The following DNAH5 variants were observed in gnomAD, a reference collection of about 807,000 sequenced individuals.
DNAH5 encodes the protein dynein axonemal heavy chain 5.
A neutral mutation model predicts 518.2 loss-of-function variants in DNAH5; 372 were observed. The ratio of observed to expected loss-of-function variants is 0.72; its 90% CI spans 0.66 to 0.78. The LOEUF (loss-of-function observed/expected upper bound fraction) is 0.78. Among genes scored for constraint, DNAH5 ranks in the 30% least tolerant of loss-of-function variants. DNAH5 has a pLI of 0.00. For synonymous variants in DNAH5, 2,039 were observed against 2,025.9 expected (o/e 1.01, Z -0.17); for missense variants, 5,523 against 5,687.0 (o/e 0.97, Z 0.93).
chr5:13,816,566 A>C (rs904237860), intron 42 of DNAH5, among the ~76,000 whole-genome samples: 3 of 80,668 alleles, frequency 3.7e-5, no homozygotes, highest in African/African-American at 5.7e-5. Context: ...AAAAAAAAAC[A>C]AAAAAACCTC....
At chr5:13,727,724 A>G in intron 69 of DNAH5, 68 bp from the exon 70 acceptor site, 1 of 1,558,170 alleles carries the variant, frequency 6.4e-7, no homozygotes, top group Non-Finnish European at 8.9e-7. Flanking sequence ...GGTCATAGAT[A>G]TGTTTCATCA....
At chr5:13,991,976 G>A (rs779579050) in intron 1 of DNAH5, among the ~76,000 whole-genome samples, 1 of 152,166 alleles carries the variant, frequency 6.6e-6, no homozygotes, top group Non-Finnish European at 1.5e-5. Context: ...GAAGCAGAAT[G>A]AACGGACTTT....
intron 78 of DNAH5, among the ~76,000 whole-genome samples, chr5:13,692,906 T>C (rs569737993): frequency 1.1e-4 from 16 of 152,250 alleles, no homozygotes; most frequent in South Asian, 2.1e-4. Flanking sequence ...CTTAAACTTA[T>C]ACAATTCATG....
At chr5:13,774,726 T>C (rs1223407516) in intron 55 of DNAH5, among the ~76,000 whole-genome samples, 1 of 152,186 alleles carries the variant, frequency 6.6e-6, no homozygotes, top group African/African-American at 2.4e-5. Flanking sequence ...CTCCATGTAA[T>C]CTTGGTTTGT....
chr5:13,893,616 T>TA (rs1455571328), intron 16 of DNAH5, among the ~76,000 whole-genome samples: 2 of 151,774 alleles, frequency 1.3e-5, no homozygotes, highest in African/African-American at 4.8e-5. Context: ...CAATTTACAA[T>TA]AAAAAAAGAA....
chr5:13,913,975 A>C lies in DNAH5; in HGVS notation c.1321-17T>G. 1 of 1,610,916 alleles carries C rather than the reference A, an allele frequency of 6.2e-7. No homozygotes were observed. On this transcript the variant is annotated splice_polypyrimidine_tract_variant and intron_variant, in intron 10 of 78. Coordinates refer to ENST00000265104, the MANE Select transcript of DNAH5 (RefSeq NM_001369.3). ...CTGGTATTCCTTAAAATCAAAAGAA[A>C]AATATACAACAAAGGGAACAAGAAA...
chr5:13,727,718 A>G, intron 69 of DNAH5, 62 bp from the exon 70 acceptor site: 1 of 1,581,004 alleles, frequency 6.3e-7, no homozygotes, highest in South Asian at 1.1e-5. Context: ...GTAACAGGTC[A>G]TAGATATGTT....
At chr5:13,909,255 A>G (rs1043619695) in intron 12 of DNAH5, among the ~76,000 whole-genome samples, 3 of 152,196 alleles carry the variant, frequency 2.0e-5, no homozygotes, top group Admixed American at 1.3e-4. Flanking sequence ...ACATACATAC[A>G]AACATAATAA....
At chr5:13,967,708 T>C (rs1323892412) in intron 1 of DNAH5, among the ~76,000 whole-genome samples, 1 of 152,070 alleles carries the variant, frequency 6.6e-6, no homozygotes, top group Non-Finnish European at 1.5e-5. Context: ...AATTTTACGA[T>C]TGCTTTTTCC....
intron 75 of DNAH5, among the ~76,000 whole-genome samples, chr5:13,713,346 G>A (rs903649071): frequency 8.1e-5 from 10 of 123,580 alleles, no homozygotes; most frequent in Non-Finnish European, 1.5e-4. Context: ...TATATATACC[G>A]ACATATATAT....
chr5:14,007,633 T>C (rs1315036303), intron 1 of DNAH5, among the ~76,000 whole-genome samples: 1 of 152,182 alleles, frequency 6.6e-6, no homozygotes, highest in East Asian at 1.9e-4. Context: ...TTGGACAGAT[T>C]CCTCATAAGA....
chr5:13,769,447 C>T, intron 57 of DNAH5, 54 bp downstream of exon 57: 1 of 1,408,462 alleles, frequency 7.1e-7, no homozygotes, highest in Non-Finnish European at 1.0e-6. Context: ...ATCATTAACA[C>T]TTGTGAACTG....
intron 39 of DNAH5, among the ~76,000 whole-genome samples, chr5:13,823,874 T>C (rs1762551077): frequency 6.6e-6 from 1 of 152,226 alleles, no homozygotes; most frequent in Admixed American, 6.5e-5. Context: ...TTACACATTA[T>C]TTCCTACCAG....
chr5:13,902,934 C>T (rs868151252), intron 12 of DNAH5, among the ~76,000 whole-genome samples: 3 of 152,132 alleles, frequency 2.0e-5, no homozygotes, highest in African/African-American at 7.2e-5. Flanking sequence ...AAAATAAATA[C>T]ATAACTTCTA....
Position 14,007,343 on chromosome 5 carries a change from CTTTGT to C in DNAH5, c.12+4300_12+4304del, listed in dbSNP as rs570986575. The stretch of plus-strand genomic sequence containing the variant: ...AGCTTTCAGCCTTCCAAGAGTATGA[CTTTGT>C]TTTTTTTTCCAATGTCCAAGCAGTC... On this transcript the variant is annotated intron_variant, in intron 1 of 78. Coordinates refer to the DNAH5 transcript ENST00000681290. Among the ~76,000 whole-genome samples the C allele has an allele frequency of 9.2e-5, 14 of 152,252 alleles. 1 individual carries two copies. The South Asian group carries it at 2.5e-3, about 27-fold the overall frequency.
At chr5:13,958,081 A>C (rs1023112274) in intron 1 of DNAH5, among the ~76,000 whole-genome samples, 5 of 152,114 alleles carry the variant, frequency 3.3e-5, no homozygotes, top group Admixed American at 2.6e-4. Context: ...CATATCAATT[A>C]CATAGGCCTT....
At chr5:13,750,531 TGAAAC>T (rs1391298179) in intron 65 of DNAH5, among the ~76,000 whole-genome samples, 1 of 152,122 alleles carries the variant, frequency 6.6e-6, no homozygotes, top group African/African-American at 2.4e-5. Flanking sequence ...AGTTACAGAG[TGAAAC>T]TCAGGTGGCA....
In DNAH5 at chr5:14,008,175, A is replaced by G. The variant is rs868008431; in HGVS notation, c.12+3473T>C. On this transcript the variant is annotated intron_variant, in intron 1 of 78. Transcript: ENST00000681290. Reference sequence around the variant, plus strand: ...CGATAGAGCGAGAATCCGTCTTAGAAAAAAAAAAAAAGAAAGAAAGAAAGA... The same window carrying G: ...CGATAGAGCGAGAATCCGTCTTAGAGAAAAAAAAAAAGAAAGAAAGAAAGA... 1.1e-3 allele frequency among the ~76,000 whole-genome samples: 153 copies of G among 141,656 alleles called. 4 individuals are homozygous for G. Among genetic ancestry groups the G allele is most frequent in the African/African-American group, 3.8e-3 (131 of 34,156 alleles). 92.9% of individuals were successfully genotyped at this position (141,656 alleles called of 152,430 possible). A position where few individuals can be genotyped will look rare whatever the true frequency, so the allele number is the denominator to read the frequency against.
At chr5:13,994,429 T>G (rs1783785471) in intron 1 of DNAH5, among the ~76,000 whole-genome samples, 2 of 152,136 alleles carry the variant, frequency 1.3e-5, no homozygotes, top group Non-Finnish European at 2.9e-5. Flanking sequence ...ACCTTAAAAA[T>G]TACTACTGTA....
Sources: gnomAD v4.1 joint callset for allele counts (sites outside exome capture counted in the v4.1 genomes callset) on GRCh38, gnomAD v4.1.1 for gene constraint, MANE v1.5 for transcripts, NCBI Gene and HGNC (gene_info 2026-07-23, HGNC 2026-07-21) for gene names.